NOC2L: variants seen among roughly 807,000 people sequenced by gnomAD.
NOC2L encodes the protein NOC2 like nucleolar associated transcriptional repressor.
Under a neutral mutation model 94.2 loss-of-function variants are expected in NOC2L, and 101 were observed. That is an observed-to-expected ratio of 1.07 (90% CI 0.91 to 1.26). The LOEUF is 1.26. Among genes scored for constraint, NOC2L ranks in the 50% most tolerant of loss-of-function variants. NOC2L has a pLI of 0.00. For missense variants in NOC2L, 1,076 were observed against 980.1 expected (o/e 1.10, Z -1.31); for synonymous variants, 531 against 413.4 (o/e 1.28, Z -3.45).
chr1:955,380 G>A (rs756894774), intron 6 of NOC2L, among the ~76,000 whole-genome samples: 2 of 152,228 alleles, frequency 1.3e-5, no homozygotes, highest in African/African-American at 2.4e-5. Flanking sequence ...TGGCTGCACA[G>A]CCCCGGAACC....
In NOC2L at chr1:956,094, C is replaced by T. The variant is rs1642393724; in HGVS notation, c.607+1G>A. ...GGATGCCAGGCTCCCCCCAAGCTCA[C>T]CAGCACTGTCCGTGACCTGGAATTT... On this transcript the variant is annotated splice_donor_variant, in intron 5 of 18. Coordinates refer to ENST00000327044, the MANE Select transcript of NOC2L (RefSeq NM_015658.4). LOFTEE classifies it high-confidence loss of function. 6.2e-7 allele frequency: 1 copy of T among 1,614,074 alleles called. No homozygotes were observed. The highest frequency in any genetic ancestry group is 8.5e-7 in the Non-Finnish European group (1 of 1,180,034).
chr1:948,342 C>T, intron 13 of NOC2L, 110 bp from the exon 14 acceptor site: 3 of 1,098,352 alleles, frequency 2.7e-6, no homozygotes, highest in Non-Finnish European at 4.0e-6. Flanking sequence ...GCACGGACTG[C>T]AAGGAAGGGG....
chr1:944,521 C>T lies in NOC2L; in HGVS notation c.*173G>A, dbSNP rs898378523. ...CAGCAGCCACACCAGCCCAGCCCAGCCCAGCTCTCGATACGTTTGGTCTTT... is the reference window on the plus strand; with the variant it reads ...CAGCAGCCACACCAGCCCAGCCCAGTCCAGCTCTCGATACGTTTGGTCTTT... On this transcript the variant is annotated 3_prime_UTR_variant, in exon 19 of 19. Coordinates refer to ENST00000327044, the MANE Select transcript of NOC2L (RefSeq NM_015658.4). 1.6e-5 allele frequency: 10 copies of T among 628,170 alleles called. No homozygotes were observed. Among genetic ancestry groups the T allele is most frequent in the Non-Finnish European group, 2.7e-5 (10 of 373,120 alleles). The allele number at this position is 628,170 out of a possible 1,614,324, so 38.9% of individuals were successfully genotyped here. A position where few individuals can be genotyped will look rare whatever the true frequency, so the allele number is the denominator to read the frequency against.
intron 8 of NOC2L, among the ~76,000 whole-genome samples, 197 bp downstream of exon 8, chr1:953,585 C>T (rs1250517560): frequency 6.6e-6 from 1 of 152,242 alleles, no homozygotes; most frequent in Non-Finnish European, 1.5e-5. Context: ...GCCGCGCTGC[C>T]CGGGCAGGCA....
At chr1:950,556 TAC>T (rs1343408032) in intron 12 of NOC2L, among the ~76,000 whole-genome samples, 6 of 152,056 alleles carry the variant, frequency 3.9e-5, no homozygotes, top group Admixed American at 6.5e-5. Context: ...CACACATGCA[TAC>T]ACACAGGTGT....
Position 955,973 on chromosome 1 carries a change from A to C in NOC2L, c.648T>G (p.Ile216Met). The part of the protein sequence containing the change: ...ALVTFCIRDL[I>M]GCLQKLLFGK... ...CAAACAGCAGCTTCTGGAGACAGCCAATGAGGTCTCTGATGCAGAAGGTAA... is the reference window on the plus strand; with the variant it reads ...CAAACAGCAGCTTCTGGAGACAGCCCATGAGGTCTCTGATGCAGAAGGTAA... Residue 216 changes from isoleucine to methionine, a missense_variant, in exon 6 of 19, where the codon ATT becomes ATG. Around this residue, in one of 3 missense-constraint regions of NOC2L, gnomAD observed 457 missense variants for 386.0 expected, o/e 1.18. Transcript: ENST00000327044. The C allele has an allele frequency of 6.3e-7, 1 of 1,594,880 alleles. No homozygotes were observed. The highest frequency in any genetic ancestry group is 8.6e-7 in the Non-Finnish European group (1 of 1,169,346).
chr1:953,048 C>T, intron 9 of NOC2L, 127 bp downstream of exon 9: 1 of 671,526 alleles, frequency 1.5e-6, no homozygotes, highest in Non-Finnish European at 2.7e-6. Context: ...TCCAAGGGCC[C>T]AGGTCTGCTC....
At chr1:951,299 CT>C (rs943334986) in intron 11 of NOC2L, 61 bp from the exon 12 acceptor site, 15 of 1,316,782 alleles carry the variant, frequency 1.1e-5, no homozygotes, top group Non-Finnish European at 1.5e-5. Context: ...GCCCCTCCCC[CT>C]GCTGTCTTGG....
rs1642010522 is a variant in NOC2L at position 944,214 on chromosome 1, G to A, written c.*480C>T. On this transcript the variant is annotated 3_prime_UTR_variant, in exon 19 of 19. Transcript: ENST00000327044. ...CCAGGAGCCACCACTCAACACAATG[G>A]CCCTGCCTCCCACCGCTTTATTTCT... The A allele has an allele frequency of 2.0e-6, 3 of 1,479,270 alleles. No individual in the cohort carries two copies. The highest frequency in any genetic ancestry group is 2.4e-5 in the East Asian group (1 of 41,606). The allele number at this position is 1,479,270 out of a possible 1,614,324, so 91.6% of individuals were successfully genotyped here.
Position 946,382 on chromosome 1 carries a change from T to C in NOC2L, c.1803+20A>G. 1.2e-6 allele frequency: 2 copies of C among 1,613,428 alleles called. No individual in the cohort carries two copies. Among genetic ancestry groups the C allele is most frequent in the African/African-American group, 1.3e-5 (1 of 75,034 alleles). The stretch of plus-strand genomic sequence containing the variant: ...CCTGGCAGGTGCCCTCAGGTGGCAC[T>C]ACCCCCAGGGCCCACTAACCACTGC... On this transcript the variant is annotated intron_variant, in intron 15 of 18. Transcript: ENST00000327044.
At chr1:953,380 T>G in intron 8 of NOC2L, 92 bp from the exon 9 acceptor site, 1 of 743,336 alleles carries the variant, frequency 1.3e-6, no homozygotes, top group Non-Finnish European at 2.4e-6. Flanking sequence ...AGGCAAAGGC[T>G]CCCATGGCCA....
intron 12 of NOC2L, among the ~76,000 whole-genome samples, chr1:950,676 TAC>T (rs1642236031): frequency 1.3e-5 from 2 of 150,610 alleles, no homozygotes; most frequent in Admixed American, 6.6e-5. Context: ...CACACAGATT[TAC>T]AGACCCATGC....
At chr1:953,059 A>G in intron 9 of NOC2L, 116 bp downstream of exon 9, 1 of 705,816 alleles carries the variant, frequency 1.4e-6, no homozygotes, top group East Asian at 2.7e-5. Context: ...AGGTCTGCTC[A>G]GAGCTGCAGT....
Position 951,256 on chromosome 1 carries a change from G to A in NOC2L, c.1332-18C>T, listed in dbSNP as rs372678845. 86 of 1,538,956 alleles carry A rather than the reference G, an allele frequency of 5.6e-5. No homozygotes were observed. The highest frequency in any genetic ancestry group is 6.8e-5 in the Non-Finnish European group (77 of 1,133,076). ...GGATGAGCCTGGGGGTGGGAAGGCC[G>A]AGTGAGCAGAGGCCCCGGCTCTGGC... On this transcript the variant is annotated intron_variant, in intron 11 of 18. Transcript: ENST00000327044.
intron 8 of NOC2L, 25 bp downstream of exon 8, chr1:953,757 A>G (rs748388660): frequency 6.4e-7 from 1 of 1,550,570 alleles, no homozygotes; most frequent in Non-Finnish European, 8.9e-7. Flanking sequence ...CATGACAGAC[A>G]CAGGGAGGGG....
At chr1:948,922 C>T (rs147074754) in intron 12 of NOC2L, among the ~76,000 whole-genome samples, 3 of 152,108 alleles carry the variant, frequency 2.0e-5, no homozygotes, top group African/African-American at 7.2e-5. Context: ...ACCTAGAGGT[C>T]CCTGCCACAC....
At chr1:949,927 T>C (rs761770323) in intron 12 of NOC2L, among the ~76,000 whole-genome samples, 7 of 152,208 alleles carry the variant, frequency 4.6e-5, no homozygotes, top group Non-Finnish European at 8.8e-5. Context: ...TGGGCCTTCA[T>C]GAGGCTGAGA....
rs778825903 is a variant in NOC2L at position 954,021 on chromosome 1, G to T, written c.760C>A (p.Leu254Met). Reference sequence around the variant, plus strand: ...AATAGCACCTGTATGGCCGAGCCCAGGTAAGCCTTGATGTCCACACGAAGC... The same window carrying T: ...AATAGCACCTGTATGGCCGAGCCCATGTAAGCCTTGATGTCCACACGAAGC... ...GKLRVDIKAY[L>M]GSAIQLVSCL... The change falls in exon 7 of 19, where the codon CTG becomes ATG. Residue 254 changes from leucine to methionine, a missense_variant. By Grantham distance (15) the Leu-to-Met change is conservative. Around this residue, in one of 3 missense-constraint regions of NOC2L, gnomAD observed 457 missense variants for 386.0 expected, o/e 1.18. Transcript: ENST00000327044. 4.4e-6 allele frequency: 7 copies of T among 1,606,672 alleles called. No homozygotes were observed. The highest frequency in any genetic ancestry group is 6.0e-6 in the Non-Finnish European group (7 of 1,175,078).
At chr1:955,892 C>A in intron 6 of NOC2L, 31 bp downstream of exon 6, 1 of 1,551,340 alleles carries the variant, frequency 6.4e-7, no homozygotes, top group Non-Finnish European at 8.9e-7. Flanking sequence ...CCACCTTCCA[C>A]CCTACCCCCC....
Sources: gnomAD v4.1 joint callset for allele counts (sites outside exome capture counted in the v4.1 genomes callset) on GRCh38, gnomAD v4.1.1 for gene constraint, gnomAD v4.1.1 regional missense constraint, MANE v1.5 for transcripts, NCBI Gene and HGNC (gene_info 2026-07-23, HGNC 2026-07-21) for gene names.